The following CHST8 variants were observed in gnomAD, a reference collection of about 807,000 sequenced individuals.
The protein encoded by CHST8 is GALNAC-4-ST1.
In CHST8, 10 loss-of-function variants were observed where a neutral mutation model predicts 15.0. That is an observed-to-expected ratio of 0.67 (90% CI 0.41 to 1.13). The LOEUF is 1.13. CHST8 is among the 50% of genes most tolerant of loss of function. The probability of loss-of-function intolerance (pLI) is 0.00; values close to 1 mark genes in which losing one functional copy is unlikely to be tolerated. For synonymous variants in CHST8, 259 were observed against 256.6 expected (o/e 1.01, Z -0.09); for missense variants, 634 against 608.2 (o/e 1.04, Z -0.45).
intron 3 of CHST8, among the ~76,000 whole-genome samples, chr19:33,726,536 T>TCAA (rs1277494396): frequency 1.3e-5 from 2 of 151,836 alleles, no homozygotes; most frequent in Non-Finnish European, 2.9e-5. Context: ...AGACCCTGTC[T>TCAA]CAATAATAAT....
At chr19:33,635,718 C>T (rs1034093466) in intron 1 of CHST8, among the ~76,000 whole-genome samples, 2 of 152,168 alleles carry the variant, frequency 1.3e-5, no homozygotes, top group Admixed American at 6.5e-5. Flanking sequence ...GTCCAGTTGA[C>T]CCACCACACA....
chr19:33,740,557 T>A (rs1432006127), intron 3 of CHST8, among the ~76,000 whole-genome samples: 1 of 152,198 alleles, frequency 6.6e-6, no homozygotes, highest in South Asian at 2.1e-4. Context: ...AGACTGGCAA[T>A]GTAAGTCGGA....
chr19:33,660,535 G>A (rs1490312534), intron 1 of CHST8, among the ~76,000 whole-genome samples: 3 of 152,164 alleles, frequency 2.0e-5, no homozygotes, highest in African/African-American at 7.2e-5. Context: ...AGCAGATGGT[G>A]ATGAAAGCAG....
chr19:33,758,953 T>C (rs1974661958), intron 3 of CHST8, among the ~76,000 whole-genome samples: 1 of 151,930 alleles, frequency 6.6e-6, no homozygotes, highest in Non-Finnish European at 1.5e-5. Flanking sequence ...GAGCTTTTAC[T>C]CATGGCAGCG....
intron 1 of CHST8, among the ~76,000 whole-genome samples, chr19:33,647,226 A>G (rs1049427831): frequency 2.0e-5 from 3 of 152,166 alleles, no homozygotes; most frequent in Non-Finnish European, 2.9e-5. Flanking sequence ...CAACGCGAAG[A>G]CTCCAGGGAG....
chr19:33,635,402 G>T (rs144444369), intron 1 of CHST8, among the ~76,000 whole-genome samples: 102 of 152,266 alleles, frequency 6.7e-4, no homozygotes, highest in African/African-American at 2.4e-3. Flanking sequence ...GCCACAAGAG[G>T]AGGGAGGCAG....
intron 3 of CHST8, among the ~76,000 whole-genome samples, chr19:33,713,736 T>A (rs1973604645): frequency 6.6e-6 from 1 of 152,084 alleles, no homozygotes; most frequent in Non-Finnish European, 1.5e-5. Flanking sequence ...AATTTTTGTG[T>A]TTTTAGTAGC....
chr19:33,743,401 A>G (rs527820924), intron 3 of CHST8, among the ~76,000 whole-genome samples: 2 of 145,100 alleles, frequency 1.4e-5, no homozygotes, highest in East Asian at 2.0e-4. Context: ...CCGGGGGTTC[A>G]TGCCATTCTC....
At chr19:33,753,384 A>C in intron 3 of CHST8, among the ~76,000 whole-genome samples, 4 of 128,018 alleles carry the variant, frequency 3.1e-5, no homozygotes, top group African/African-American at 9.0e-5. Context: ...CTCCCCACCA[A>C]CTTCCCACCT....
chr19:33,644,992 G>C (rs1972332317), intron 1 of CHST8, among the ~76,000 whole-genome samples: 1 of 152,164 alleles, frequency 6.6e-6, no homozygotes, highest in Non-Finnish European at 1.5e-5. Flanking sequence ...AGACATTTTT[G>C]ATGGTCATGA....
At chr19:33,674,237 C>T (rs781469252) in intron 2 of CHST8, among the ~76,000 whole-genome samples, 1 of 152,148 alleles carries the variant, frequency 6.6e-6, no homozygotes, top group Admixed American at 6.5e-5. Flanking sequence ...GGGAAGTCAT[C>T]GCTGCTGGCC....
intron 1 of CHST8, among the ~76,000 whole-genome samples, chr19:33,624,325 C>G (rs777681647): frequency 1.3e-5 from 2 of 152,164 alleles, no homozygotes; most frequent in Admixed American, 1.3e-4. Context: ...AGAGCAGGCT[C>G]GTCTGACCTC....
At chr19:33,627,389 G>A (rs1180570106) in intron 1 of CHST8, among the ~76,000 whole-genome samples, 2 of 152,084 alleles carry the variant, frequency 1.3e-5, no homozygotes, top group African/African-American at 2.4e-5. Context: ...TGGGTTTATA[G>A]GCGTGAGCCA....
intron 1 of CHST8, among the ~76,000 whole-genome samples, chr19:33,645,195 G>C (rs1429630776): frequency 6.6e-6 from 1 of 152,172 alleles, no homozygotes; most frequent in Admixed American, 6.5e-5. Context: ...CGGCGAGGAA[G>C]TCAGGAGTTG....
At chr19:33,689,557 A>T (rs555384661) in intron 3 of CHST8, among the ~76,000 whole-genome samples, 166 bp downstream of exon 3, 2 of 152,278 alleles carry the variant, frequency 1.3e-5, no homozygotes, top group East Asian at 3.9e-4. Flanking sequence ...GTTAGTCTCA[A>T]TGTGGGAGTG....
At chr19:33,706,570 T>A (rs1184307978) in intron 3 of CHST8, among the ~76,000 whole-genome samples, 1 of 151,914 alleles carries the variant, frequency 6.6e-6, no homozygotes, top group African/African-American at 2.4e-5. Context: ...CCCCACAGAG[T>A]GAGTTGTCTG....
intron 3 of CHST8, among the ~76,000 whole-genome samples, chr19:33,712,223 G>C (rs952946795): frequency 2.6e-5 from 4 of 152,176 alleles, no homozygotes; most frequent in Admixed American, 1.3e-4. Flanking sequence ...ATCACTTCCC[G>C]TTCACCCGAT....
intron 2 of CHST8, among the ~76,000 whole-genome samples, chr19:33,688,485 G>A (rs967476130): frequency 2.0e-5 from 3 of 152,166 alleles, no homozygotes; most frequent in Non-Finnish European, 4.4e-5. Context: ...CTCCACTCCA[G>A]GCAAAGGGCC....
At chr19:33,693,820 G>A (rs1798330396) in intron 3 of CHST8, among the ~76,000 whole-genome samples, 1 of 151,862 alleles carries the variant, frequency 6.6e-6, no homozygotes, top group Admixed American at 6.6e-5. Context: ...TATTCCATCA[G>A]GAGGCTCCTG....
Sources: gnomAD v4.1 joint callset for allele counts (sites outside exome capture counted in the v4.1 genomes callset) on GRCh38, gnomAD v4.1.1 for gene constraint, MANE v1.5 for transcripts, NCBI Gene and HGNC (gene_info 2026-07-23, HGNC 2026-07-21) for gene names.